Variants in SYCP2 observed in about 807,000 individuals in gnomAD.
SYCP2 encodes the protein synaptonemal complex lateral element protein.
Under a neutral mutation model 211.3 loss-of-function variants are expected in SYCP2, and 55 were observed. That is an observed-to-expected ratio of 0.26 (90% confidence interval 0.21 to 0.33). The LOEUF is 0.33. Among genes scored for constraint, SYCP2 ranks in the 10% least tolerant of loss-of-function variants. The pLI, the probability that SYCP2 is intolerant of heterozygous loss-of-function variation, is 1.00. For missense variants in SYCP2, 1,731 were observed against 1,752.0 expected (o/e 0.99, Z 0.21); for synonymous variants, 570 against 555.2 (o/e 1.03, Z -0.37).
intron 35 of SYCP2, among the ~76,000 whole-genome samples, chr20:59,872,400 T>C (rs141895000): frequency 5.4e-4 from 82 of 152,122 alleles, no homozygotes; most frequent in African/African-American, 1.9e-3. Context: ...AGATTGACTG[T>C]GGAGATATCG....
chr20:59,915,301 CTAATATCATCGACTT>C, intron 9 of SYCP2, 102 bp from the exon 10 acceptor site: 1 of 1,052,208 alleles, frequency 9.5e-7, no homozygotes, highest in African/African-American at 1.6e-5. Flanking sequence ...TTACAATTGG[CTAATATCATCGACTT>C]TTGCAGAAAT....
intron 5 of SYCP2, 53 bp from the exon 6 acceptor site, chr20:59,919,650 T>C: frequency 1.7e-6 from 2 of 1,148,334 alleles, no homozygotes; most frequent in Non-Finnish European, 2.6e-6. Context: ...TTTAAGAATG[T>C]ACTTATCTAT....
chr20:59,893,908 CTGT>C (rs2059957341), intron 20 of SYCP2, among the ~76,000 whole-genome samples: 1 of 151,988 alleles, frequency 6.6e-6, no homozygotes, highest in African/African-American at 2.4e-5. Flanking sequence ...TCTCCTGCTG[CTGT>C]TGATTACATA....
intron 39 of SYCP2, 50 bp from the exon 40 acceptor site, chr20:59,866,639 T>A: frequency 8.3e-7 from 1 of 1,201,762 alleles, no homozygotes; most frequent in Non-Finnish European, 1.2e-6. Flanking sequence ...AATAACACTC[T>A]AACCAAGACT....
At chr20:59,900,638 CATTT>C (rs2060098224) in intron 17 of SYCP2, 102 bp downstream of exon 17, 2 of 767,216 alleles carry the variant, frequency 2.6e-6, no homozygotes, top group South Asian at 3.6e-5. Flanking sequence ...ATATTGAGAC[CATTT>C]GTTTTCTATA....
intron 35 of SYCP2, among the ~76,000 whole-genome samples, chr20:59,870,900 C>G (rs910512547): frequency 6.6e-6 from 1 of 151,614 alleles, no homozygotes; most frequent in African/African-American, 2.4e-5. Flanking sequence ...AAAAAGAAAG[C>G]CTGGAGAGAC....
chr20:59,923,986 T>C (rs1353119857), intron 2 of SYCP2, among the ~76,000 whole-genome samples: 1 of 151,912 alleles, frequency 6.6e-6, no homozygotes, highest in Non-Finnish European at 1.5e-5. Flanking sequence ...CCCAATATGC[T>C]GCTCTGACAT....
chr20:59,881,311 A>G, intron 29 of SYCP2, 126 bp downstream of exon 29: 1 of 627,880 alleles, frequency 1.6e-6, no homozygotes, highest in Non-Finnish European at 2.8e-6. Flanking sequence ...ACAGAATCAT[A>G]ATGAGAGTAA....
chr20:59,893,731 A>G (rs1298066472), intron 20 of SYCP2, 138 bp from the exon 21 acceptor site: 2 of 549,704 alleles, frequency 3.6e-6, no homozygotes, highest in Non-Finnish European at 6.3e-6. Flanking sequence ...TATATTTCAT[A>G]AACGTTATGC....
At chr20:59,866,715 T>A (rs2059345007) in intron 39 of SYCP2, 126 bp from the exon 40 acceptor site, 3 of 666,958 alleles carry the variant, frequency 4.5e-6, no homozygotes, top group African/African-American at 1.9e-5. Context: ...AAGTGAAAAA[T>A]TAAAAACTCA....
chr20:59,887,080 C>T (rs1379790073), intron 24 of SYCP2, among the ~76,000 whole-genome samples: 4 of 152,032 alleles, frequency 2.6e-5, no homozygotes, highest in African/African-American at 9.7e-5. Flanking sequence ...TATACATGTG[C>T]CATGCCAGTG....
At chr20:59,878,195 A>G (rs1289578143) in intron 31 of SYCP2, 150 bp from the exon 32 acceptor site, 2 of 583,726 alleles carry the variant, frequency 3.4e-6, no homozygotes, top group African/African-American at 3.9e-5. Context: ...GTGAACCTCC[A>G]TGTGGCCTCA....
intron 30 of SYCP2, 143 bp downstream of exon 30, chr20:59,880,823 A>G (rs1668693722): frequency 6.1e-6 from 3 of 490,558 alleles, no homozygotes; most frequent in Middle Eastern, 5.5e-4. Context: ...GAAAGACCAT[A>G]AGAAAATTCA....
chr20:59,907,291 C>T (rs2060230951), intron 15 of SYCP2, 73 bp downstream of exon 15: 1 of 981,606 alleles, frequency 1.0e-6, no homozygotes, highest in South Asian at 1.5e-5. Context: ...GTTTTGTTAA[C>T]CCAGAAAGGA....
chr20:59,908,467 T>C (rs16983273), intron 14 of SYCP2, among the ~76,000 whole-genome samples: 6,452 of 152,180 alleles, frequency 0.042, 178 homozygotes, highest in Middle Eastern at 0.082. Context: ...GACAGTATTC[T>C]AAGTTTTCCC....
At chr20:59,892,735 A>T (rs1298656418) in intron 22 of SYCP2, 34 bp from the exon 23 acceptor site, 1 of 1,580,418 alleles carries the variant, frequency 6.3e-7, no homozygotes, top group African/African-American at 1.4e-5. Flanking sequence ...AATGTTACAA[A>T]ACATTAGCCT....
chr20:59,868,859 G>A lies in SYCP2; in HGVS notation c.3808C>T (p.Pro1270Ser). The stretch of plus-strand genomic sequence containing the variant: ...CCTGATACATGAGTAGCATCACAGG[G>A]CATGTCAAACCACGTTTTCTCTCTT... ...EGREKTWFDM[P>S]CDATHVSGPT... The change falls in exon 37 of 45, where the codon CCC becomes TCC. Residue 1270 changes from proline (P) to serine (S), a missense_variant. Transcript: ENST00000357552. 6.2e-6 allele frequency: 10 copies of A among 1,609,886 alleles called. No individual in the cohort carries two copies. Among genetic ancestry groups the A allele is most frequent in the African/African-American group, 1.3e-5 (1 of 74,694 alleles).
chr20:59,878,123 C>G, intron 31 of SYCP2, 78 bp from the exon 32 acceptor site: 1 of 960,208 alleles, frequency 1.0e-6, no homozygotes, highest in Non-Finnish European at 1.6e-6. Flanking sequence ...ATCATTTCAG[C>G]ATATTTAAAT....
At chr20:59,929,631 A>G (rs182109884) in intron 2 of SYCP2, among the ~76,000 whole-genome samples, 50 of 152,292 alleles carry the variant, frequency 3.3e-4, no homozygotes, top group African/African-American at 1.2e-3. Context: ...TAAAAAATGC[A>G]GAATGAGATA....
Sources: gnomAD v4.1 joint callset for allele counts (sites outside exome capture counted in the v4.1 genomes callset) on GRCh38, gnomAD v4.1.1 for gene constraint, MANE v1.5 for transcripts, NCBI Gene and HGNC (gene_info 2026-07-23, HGNC 2026-07-21) for gene names.